The following TBC1D19 variants were observed in gnomAD, a reference collection of about 807,000 sequenced individuals.
TBC1D19 encodes the protein TBC1 domain family member 19.
TBC1D19 carries 60 observed loss-of-function variants against 89.0 expected under a neutral mutation model. The ratio of observed to expected loss-of-function variants is 0.67; its 90% CI spans 0.55 to 0.84. The LOEUF (loss-of-function observed/expected upper bound fraction) is 0.84. Ranked by LOEUF, TBC1D19 falls within the 40% of genes least tolerant of loss-of-function variation. The pLI, the probability that TBC1D19 is intolerant of heterozygous loss-of-function variation, is 0.00. For missense variants in TBC1D19, 500 were observed against 610.8 expected, an observed-to-expected ratio of 0.82 and a Z score of 1.91; for synonymous variants, 189 against 199.7, an observed-to-expected ratio of 0.95 and a Z score of 0.45.
rs869124166 is a variant in TBC1D19, at chr4:26,590,796, GTTTTTTTTTT to G, written c.99+6526_99+6535del. Among the ~76,000 whole-genome samples, 18 of 52,962 alleles carry G rather than the reference GTTTTTTTTTT, an allele frequency of 3.4e-4. No homozygotes were observed. The South Asian group carries it at 5.0e-3, about 15-fold the overall frequency. The allele number at this position is 52,962 out of a possible 152,430, so 34.7% of individuals were successfully genotyped here. On this transcript the variant is annotated intron_variant, in intron 1 of 20. Transcript: ENST00000264866. Reference sequence around the variant, plus strand: ...GGTTCACTCTTTGTCTTGCAGGTCTGTTTTTTTTTTTTTTTTTTTTTTTTTTTTTTTGTGA... The same window carrying G: ...GGTTCACTCTTTGTCTTGCAGGTCTGTTTTTTTTTTTTTTTTTTTTTGTGA...
At chr4:26,797,377 A>C in the TBC1D19 span, among the ~76,000 whole-genome samples, 1 of 152,162 alleles carries the variant, frequency 6.6e-6, no homozygotes, top group African/African-American at 2.4e-5. Context: ...CAAAACACTG[A>C]TGAAAGAAAT....
intron 8 of TBC1D19, among the ~76,000 whole-genome samples, chr4:26,660,477 T>A (rs1745152980): frequency 6.6e-6 from 1 of 152,214 alleles, no homozygotes; most frequent in Non-Finnish European, 1.5e-5. Context: ...TTTATTATCT[T>A]TCAGCTCCAA....
chr4:26,647,725 T>C (rs576688066), intron 7 of TBC1D19, among the ~76,000 whole-genome samples: 53 of 152,290 alleles, frequency 3.5e-4, no homozygotes, highest in African/African-American at 1.2e-3. Flanking sequence ...TGCTTACCCC[T>C]GGCTTCCTCC....
At chr4:26,671,520 GT>G (rs961254378) in intron 9 of TBC1D19, among the ~76,000 whole-genome samples, 11 of 151,180 alleles carry the variant, frequency 7.3e-5, no homozygotes, top group African/African-American at 2.2e-4. Flanking sequence ...ATGAACAGAA[GT>G]TTTTTTTTAA....
intron 1 of TBC1D19, among the ~76,000 whole-genome samples, chr4:26,590,806 T>TTG (rs1285648082): frequency 1.6e-4 from 19 of 118,990 alleles, no homozygotes; most frequent in African/African-American, 5.8e-4. Flanking sequence ...GTTTTTTTTT[T>TTG]TTTTTTTTTT....
intron 1 of TBC1D19, among the ~76,000 whole-genome samples, chr4:26,591,902 C>A (rs1739836745): frequency 1.3e-5 from 2 of 152,146 alleles, no homozygotes; most frequent in African/African-American, 4.8e-5. Context: ...CAGATTCTAC[C>A]AGAGGTACAA....
At chr4:26,762,369 A>C in the TBC1D19 span, among the ~76,000 whole-genome samples, 5 of 152,162 alleles carry the variant, frequency 3.3e-5, no homozygotes, top group Non-Finnish European at 7.4e-5. Flanking sequence ...TTTATCCTTA[A>C]AACTTTTTTC....
chr4:26,760,564 G>C (rs1477023355), downstream of TBC1D19, among the ~76,000 whole-genome samples: 13 of 152,208 alleles, frequency 8.5e-5, no homozygotes, highest in Non-Finnish European at 4.4e-5. Context: ...ATGACAGAGG[G>C]AGACCTTGTA....
chr4:26,756,297 A>G (rs1719260388), downstream of TBC1D19, among the ~76,000 whole-genome samples: 1 of 152,196 alleles, frequency 6.6e-6, no homozygotes, highest in South Asian at 2.1e-4. Flanking sequence ...GCACACACCC[A>G]TGACTATTAT....
At chr4:26,598,389 A>C (rs911554997) in intron 1 of TBC1D19, among the ~76,000 whole-genome samples, 2 of 137,566 alleles carry the variant, frequency 1.5e-5, no homozygotes, top group Admixed American at 1.7e-4. Context: ...ATAAATGACT[A>C]AATATTCTTC....
chr4:26,583,260 A>G (rs1445590229), upstream of TBC1D19, among the ~76,000 whole-genome samples: 1 of 152,186 alleles, frequency 6.6e-6, no homozygotes, highest in Non-Finnish European at 1.5e-5. Flanking sequence ...AATTTAAGTC[A>G]GTTACTTTTA....
chr4:26,760,492 C>T (rs999759926), downstream of TBC1D19, among the ~76,000 whole-genome samples: 12 of 151,992 alleles, frequency 7.9e-5, no homozygotes, highest in Non-Finnish European at 7.4e-5. Flanking sequence ...GTGGGAGGAT[C>T]GCTTGAGGCT....
chr4:26,639,109 C>G (rs1235387323), intron 6 of TBC1D19, among the ~76,000 whole-genome samples: 4 of 152,178 alleles, frequency 2.6e-5, no homozygotes, highest in African/African-American at 9.7e-5. Flanking sequence ...AGTACAGTAG[C>G]ATGATCACAG....
chr4:26,723,735 G>T (rs1349312765), intron 15 of TBC1D19, among the ~76,000 whole-genome samples: 1 of 152,118 alleles, frequency 6.6e-6, no homozygotes, highest in Admixed American at 6.5e-5. Context: ...CATATAAATT[G>T]TCTTTATTCA....
At chr4:26,596,139 T>C (rs1740194364) in intron 1 of TBC1D19, among the ~76,000 whole-genome samples, 1 of 152,046 alleles carries the variant, frequency 6.6e-6, no homozygotes, top group African/African-American at 2.4e-5. Flanking sequence ...GTATTTTTAG[T>C]AGATATGGGG....
At chr4:26,773,585 T>C in the TBC1D19 span, among the ~76,000 whole-genome samples, 2 of 152,186 alleles carry the variant, frequency 1.3e-5, no homozygotes, top group Admixed American at 1.3e-4. Flanking sequence ...CTTCTAGGGT[T>C]TTTATAGTTT....
chr4:26,844,647 A>C, the TBC1D19 span, among the ~76,000 whole-genome samples: 1 of 152,228 alleles, frequency 6.6e-6, no homozygotes, highest in Non-Finnish European at 1.5e-5. Context: ...CTGCGATCCT[A>C]TGCTAAATGG....
chr4:26,816,639 T>C, the TBC1D19 span, among the ~76,000 whole-genome samples: 3 of 152,078 alleles, frequency 2.0e-5, no homozygotes, highest in African/African-American at 7.2e-5. Context: ...AATAAATAAC[T>C]TGGATTCAAT....
intron 11 of TBC1D19, among the ~76,000 whole-genome samples, chr4:26,677,544 A>G (rs917705786): frequency 2.1e-4 from 32 of 151,858 alleles, no homozygotes; most frequent in Admixed American, 2.0e-3. Flanking sequence ...GATGGTCTTG[A>G]TCTCCTGACC....
Sources: gnomAD v4.1 joint callset for allele counts (sites outside exome capture counted in the v4.1 genomes callset) on GRCh38, gnomAD v4.1.1 for gene constraint, MANE v1.5 for transcripts, NCBI Gene and HGNC (gene_info 2026-07-23, HGNC 2026-07-21) for gene names.